Variants in HECW2 observed in about 807,000 individuals in gnomAD.
HECW2 encodes the protein HECT, C2 and WW domain containing E3 ubiquitin protein ligase 2.
In HECW2, 61 loss-of-function variants were observed where a neutral mutation model predicts 175.2. The observed-to-expected ratio is 0.35, with a 90% CI of 0.28 to 0.43. The LOEUF (loss-of-function observed/expected upper bound fraction) is 0.43, where lower values mean the gene tolerates loss of function less well. Among genes scored for constraint, HECW2 ranks in the 20% least tolerant of loss-of-function variants. The pLI is 1.00. For synonymous variants in HECW2, 671 were observed against 731.0 expected, an observed-to-expected ratio of 0.92 and a Z score of 1.32; for missense variants, 1,524 against 2,000.5, an observed-to-expected ratio of 0.76 and a Z score of 4.54.
At chr2:196,521,478 C>T (rs1044707469) in intron 1 of HECW2, among the ~76,000 whole-genome samples, 6 of 151,314 alleles carry the variant, frequency 4.0e-5, no homozygotes, top group South Asian at 2.1e-4. Context: ...TATTTTATTT[C>T]ATTTTATTTT....
intron 1 of HECW2, among the ~76,000 whole-genome samples, chr2:196,544,501 T>C (rs764389365): frequency 1.1e-4 from 17 of 152,142 alleles, no homozygotes; most frequent in Non-Finnish European, 1.8e-4. Context: ...ACCAATCCAG[T>C]TGGGGGGCAC....
chr2:196,579,501 A>G (rs1269924125), intron 1 of HECW2, among the ~76,000 whole-genome samples: 1 of 152,160 alleles, frequency 6.6e-6, no homozygotes, highest in Non-Finnish European at 1.5e-5. Flanking sequence ...AAGTGATCCA[A>G]CTATATGCTG....
chr2:196,475,857 A>G (rs1468543069), intron 1 of HECW2, among the ~76,000 whole-genome samples: 1 of 152,262 alleles, frequency 6.6e-6, no homozygotes, highest in African/African-American at 2.4e-5. Flanking sequence ...CAGTTTCAAA[A>G]GGCAAACTGG....
chr2:196,341,521 G>A (rs995190643), intron 3 of HECW2, among the ~76,000 whole-genome samples: 2 of 152,168 alleles, frequency 1.3e-5, no homozygotes, highest in African/African-American at 2.4e-5. Context: ...GACATAAGTC[G>A]GAAAAACAAA....
At chr2:196,570,420 T>A (rs1349793467) in intron 1 of HECW2, among the ~76,000 whole-genome samples, 2 of 152,204 alleles carry the variant, frequency 1.3e-5, no homozygotes, top group Non-Finnish European at 2.9e-5. Flanking sequence ...TTTATTGAAA[T>A]GTTTAAATTA....
At chr2:196,236,773 A>G (rs1688267055) in intron 21 of HECW2, among the ~76,000 whole-genome samples, 2 of 152,216 alleles carry the variant, frequency 1.3e-5, no homozygotes, top group African/African-American at 4.8e-5. Flanking sequence ...ACAGAGGTAA[A>G]GTGCCACCCT....
intron 1 of HECW2, among the ~76,000 whole-genome samples, chr2:196,562,355 A>G (rs1032234434): frequency 3.9e-5 from 6 of 152,266 alleles, no homozygotes; most frequent in Non-Finnish European, 7.3e-5. Context: ...TTTACAAAGG[A>G]GGAATTCAGT....
intron 2 of HECW2, among the ~76,000 whole-genome samples, chr2:196,415,486 C>T (rs1232741100): frequency 5.9e-5 from 9 of 152,128 alleles, no homozygotes; most frequent in African/African-American, 2.2e-4. Flanking sequence ...TATGCTGGGA[C>T]ACTGGCTCTC....
intron 1 of HECW2, among the ~76,000 whole-genome samples, chr2:196,523,096 C>G (rs1338487570): frequency 6.6e-6 from 1 of 151,954 alleles, no homozygotes; most frequent in East Asian, 1.9e-4. Context: ...GATATTGATT[C>G]TTCCTACCCA....
chr2:196,278,828 CAGATT>C, intron 14 of HECW2, 166 bp from the exon 15 acceptor site: 1 of 684,754 alleles, frequency 1.5e-6, no homozygotes, highest in Non-Finnish European at 2.4e-6. Flanking sequence ...CAGGACAGAT[CAGATT>C]AGAGAAAGCC....
intron 2 of HECW2, among the ~76,000 whole-genome samples, chr2:196,387,362 T>C (rs4398290): frequency 0.72 from 109,784 of 151,884 alleles, 41,845 homozygotes; most frequent in East Asian, 0.86. Flanking sequence ...CTCATGAATG[T>C]AATTAGCATC....
intron 1 of HECW2, among the ~76,000 whole-genome samples, chr2:196,433,699 C>G (rs2125273351): frequency 6.6e-6 from 1 of 152,254 alleles, no homozygotes; most frequent in African/African-American, 2.4e-5. Flanking sequence ...TCACTTGGCA[C>G]AGCTTTCTCC....
chr2:196,220,257 G>A (rs979074714), intron 25 of HECW2, 104 bp from the exon 26 acceptor site: 1 of 739,178 alleles, frequency 1.4e-6, no homozygotes, highest in Admixed American at 2.2e-5. Context: ...GGAATAATAT[G>A]TGTGTACCTT....
chr2:196,513,936 T>C (rs1308050370), intron 1 of HECW2, among the ~76,000 whole-genome samples: 2 of 152,232 alleles, frequency 1.3e-5, no homozygotes, highest in Non-Finnish European at 2.9e-5. Flanking sequence ...GCCACTGCCA[T>C]GACGCTGGTG....
rs559186885 is a variant in HECW2 at position 196,331,397 on chromosome 2, A to G, written c.496-1747T>C. On this transcript the variant is annotated intron_variant, in intron 4 of 28. Transcript: ENST00000644978. ...CACTACGCTGGACTATGACTGAGACACACCCTCGGTAACCTGCCATTCCTT... is the reference window on the plus strand; with the variant it reads ...CACTACGCTGGACTATGACTGAGACGCACCCTCGGTAACCTGCCATTCCTT... 5.6e-5 allele frequency: 28 copies of G among 503,090 alleles called. 2 individuals are homozygous for G. In the South Asian group the frequency reaches 2.1e-3, roughly 37 times the overall value. The allele number at this position is 503,090 out of a possible 1,614,324, so 31.2% of individuals were successfully genotyped here.
chr2:196,370,167 G>T (rs1398325687), intron 2 of HECW2, among the ~76,000 whole-genome samples: 1 of 151,956 alleles, frequency 6.6e-6, no homozygotes, highest in Non-Finnish European at 1.5e-5. Flanking sequence ...TCTCAGCAAG[G>T]CCCATGGTGA....
intron 2 of HECW2, among the ~76,000 whole-genome samples, chr2:196,414,488 G>T (rs1023889265): frequency 6.6e-6 from 1 of 152,200 alleles, no homozygotes; most frequent in Non-Finnish European, 1.5e-5. Flanking sequence ...GCCATGATCT[G>T]GTGCGAACAT....
At chr2:196,382,250 T>C (rs1694228694) in intron 2 of HECW2, among the ~76,000 whole-genome samples, 1 of 151,658 alleles carries the variant, frequency 6.6e-6, no homozygotes, top group Non-Finnish European at 1.5e-5. Context: ...TATATATACA[T>C]GTGTGGAATA....
intron 1 of HECW2, among the ~76,000 whole-genome samples, chr2:196,476,142 C>CAA (rs60181654): frequency 1.4e-5 from 2 of 144,442 alleles, no homozygotes; most frequent in Non-Finnish European, 1.5e-5. Flanking sequence ...GTTTCCTCAT[C>CAA]AAAAAAAAAA....
Sources: gnomAD v4.1 joint callset for allele counts (sites outside exome capture counted in the v4.1 genomes callset) on GRCh38, gnomAD v4.1.1 for gene constraint, MANE v1.5 for transcripts, NCBI Gene and HGNC (gene_info 2026-07-23, HGNC 2026-07-21) for gene names.